Variants in MYH11 observed in about 807,000 individuals in gnomAD.
MYH11 encodes the protein myosin-11.
A neutral mutation model predicts 246.6 loss-of-function variants in MYH11; 80 were observed. The observed-to-expected ratio is 0.32, with a 90% CI of 0.27 to 0.39. The LOEUF is 0.39. MYH11 is among the 10% of genes least tolerant of loss of function. The pLI is 1.00. For missense variants in MYH11, 2,158 were observed against 2,546.8 expected (o/e 0.85, Z 3.29); for synonymous variants, 1,071 against 1,015.5 (o/e 1.05, Z -1.04).
intron 3 of MYH11, among the ~76,000 whole-genome samples, chr16:15,798,914 C>A (rs544044987): frequency 6.6e-6 from 1 of 152,172 alleles, no homozygotes; most frequent in Non-Finnish European, 1.5e-5. Flanking sequence ...GATGCTGGAG[C>A]CTGACTGATC....
chr16:15,721,217 T>C lies in MYH11; in HGVS notation c.4579-166A>G, dbSNP rs766478134. 1.5e-4 allele frequency: 143 copies of C among 950,880 alleles called. 1 individual carries two copies. The highest frequency in any genetic ancestry group is 2.2e-4 in the Non-Finnish European group (137 of 620,990). 58.9% of individuals were successfully genotyped at this position (950,880 alleles called of 1,614,324 possible). ...CCCCTGAGAGTTCAGACCCCAGCCT[T>C]ATCCTCGGACCCCCCAACTCAGACC... On this transcript the variant is annotated intron_variant, in intron 32 of 40. Transcript: ENST00000300036.
chr16:15,795,764 C>T (rs1473663661), intron 4 of MYH11, among the ~76,000 whole-genome samples: 1 of 152,222 alleles, frequency 6.6e-6, no homozygotes, highest in Non-Finnish European at 1.5e-5. Context: ...CAGTTCTTCA[C>T]ATGTAGTGAC....
intron 3 of MYH11, among the ~76,000 whole-genome samples, chr16:15,803,364 C>T (rs1357862548): frequency 6.6e-6 from 1 of 151,152 alleles, no homozygotes; most frequent in Non-Finnish European, 1.5e-5. Context: ...GCAACCTCTG[C>T]CTCCTGGTTT....
At position 15,732,645 on chromosome 16, in the gene MYH11, A is replaced by C. The variant is rs769951224; in HGVS notation, c.3570T>G (p.His1190Gln). The C allele has an allele frequency of 1.2e-6, 2 of 1,614,184 alleles. No homozygotes were observed. The highest frequency in any genetic ancestry group is 3.3e-5 in the Admixed American group (2 of 60,014). Residue 1190 changes from histidine (H) to glutamine (Q), a missense_variant, in exon 27 of 41, where the codon CAT becomes CAG. Around this residue, in one of 11 missense-constraint regions of MYH11, gnomAD observed 34 missense variants for 70.4 expected, o/e 0.48. Transcript: ENST00000300036. The part of the protein sequence containing the change: ...KKALDEETRS[H>Q]EAQVQEMRQK... ...GCCTCATCTCCTGGACCTGAGCCTCATGGGACCGCGTCTCTTCATCCAGGG... is the reference window on the plus strand; with the variant it reads ...GCCTCATCTCCTGGACCTGAGCCTCCTGGGACCGCGTCTCTTCATCCAGGG...
intron 19 of MYH11, among the ~76,000 whole-genome samples, 184 bp downstream of exon 19, chr16:15,747,386 C>A (rs891642524): frequency 1.3e-5 from 2 of 152,160 alleles, no homozygotes; most frequent in Non-Finnish European, 2.9e-5. Context: ...TCGTTCCCTT[C>A]CTGCACTCGT....
intron 7 of MYH11, among the ~76,000 whole-genome samples, chr16:15,778,214 G>T (rs2042268554): frequency 6.6e-6 from 1 of 152,138 alleles, no homozygotes; most frequent in Admixed American, 6.5e-5. Flanking sequence ...CTTGTTCCTT[G>T]CGATACCAGC....
At chr16:15,829,478 G>A (rs3888687) in intron 2 of MYH11, among the ~76,000 whole-genome samples, 1 of 152,028 alleles carries the variant, frequency 6.6e-6, no homozygotes, top group Non-Finnish European at 1.5e-5. Flanking sequence ...CTTCAGCATC[G>A]GGCTCTTCCT....
At chr16:15,815,241 C>T (rs2043236332) in intron 3 of MYH11, among the ~76,000 whole-genome samples, 1 of 152,076 alleles carries the variant, frequency 6.6e-6, no homozygotes, top group African/African-American at 2.4e-5. Context: ...TGAAGAAATC[C>T]ACTAATATGA....
chr16:15,797,963 G>C (rs569231617), intron 4 of MYH11, among the ~76,000 whole-genome samples: 1 of 152,208 alleles, frequency 6.6e-6, no homozygotes, highest in South Asian at 2.1e-4. Flanking sequence ...CCCCAGCATA[G>C]TGCTCAAGTG....
intron 11 of MYH11, 135 bp from the exon 12 acceptor site, chr16:15,759,863 G>A (rs944201965): frequency 2.2e-5 from 25 of 1,121,070 alleles, no homozygotes; most frequent in African/African-American, 6.3e-5. Flanking sequence ...TTGGGAGGCC[G>A]AGGCAGGTGG....
chr16:15,738,785 A>G, intron 23 of MYH11, 97 bp from the exon 24 acceptor site: 5 of 1,394,446 alleles, frequency 3.6e-6, no homozygotes, highest in Non-Finnish European at 5.0e-6. Flanking sequence ...AGTTGAAAGA[A>G]AAACCCACAT....
At chr16:15,792,762 C>G (rs952055100) in intron 4 of MYH11, 2 of 152,198 alleles carry the variant, frequency 1.3e-5, no homozygotes, top group African/African-American at 4.8e-5. Context: ...TGGGGTCTCA[C>G]TGTGTCACCC....
chr16:15,723,857 A>C (rs1311802394), intron 31 of MYH11, among the ~76,000 whole-genome samples: 1 of 152,236 alleles, frequency 6.6e-6, no homozygotes, highest in East Asian at 1.9e-4. Context: ...CATTTAGTGA[A>C]TAAATAAGCA....
intron 6 of MYH11, among the ~76,000 whole-genome samples, chr16:15,779,918 G>A (rs1453280854): frequency 6.6e-6 from 1 of 152,212 alleles, no homozygotes; most frequent in Non-Finnish European, 1.5e-5. Flanking sequence ...TGGCGTGTGT[G>A]GACACAATCC....
chr16:15,769,365 T>C (rs1340616262), intron 9 of MYH11, among the ~76,000 whole-genome samples: 1 of 152,230 alleles, frequency 6.6e-6, no homozygotes, highest in Non-Finnish European at 1.5e-5. Context: ...CCAGGCGTGG[T>C]AGCACATGTC....
chr16:15,850,523 A>C (rs900196098), intron 1 of MYH11, among the ~76,000 whole-genome samples: 6 of 152,246 alleles, frequency 3.9e-5, no homozygotes, highest in African/African-American at 1.4e-4. Flanking sequence ...GACCAGAGAC[A>C]AAAACCCAAA....
chr16:15,707,446 T>G (rs753720168), intron 40 of MYH11, among the ~76,000 whole-genome samples: 4 of 152,194 alleles, frequency 2.6e-5, no homozygotes, highest in African/African-American at 9.7e-5. Context: ...GGTTCTGCAC[T>G]TCAGCCCACC....
intron 27 of MYH11, among the ~76,000 whole-genome samples, chr16:15,729,639 C>G (rs915443019): frequency 7.9e-5 from 12 of 152,022 alleles, no homozygotes; most frequent in African/African-American, 2.4e-4. Context: ...CAACCTTTAC[C>G]TCCTGGGTTC....
At chr16:15,726,497 A>G in intron 28 of MYH11, 1 of 378,034 alleles carries the variant, frequency 2.6e-6, no homozygotes, top group Non-Finnish European at 5.0e-6. Flanking sequence ...CAGCCTCCCG[A>G]GTAGATGGGA....
Sources: gnomAD v4.1 joint callset for allele counts (sites outside exome capture counted in the v4.1 genomes callset) on GRCh38, gnomAD v4.1.1 for gene constraint, gnomAD v4.1.1 regional missense constraint, MANE v1.5 for transcripts, NCBI Gene and HGNC (gene_info 2026-07-23, HGNC 2026-07-21) for gene names.